Variants in STX3 observed in about 807,000 individuals in gnomAD.
STX3 encodes the protein syntaxin 3.
In STX3, 19 loss-of-function variants were observed where a neutral mutation model predicts 40.2. The observed-to-expected ratio is 0.47, with a 90% CI of 0.33 to 0.69. The LOEUF is 0.69. Ranked by LOEUF, STX3 falls within the 30% of genes least tolerant of loss-of-function variation. STX3 has a pLI of 0.02. For synonymous variants in STX3, 122 were observed against 132.2 expected (o/e 0.92, Z 0.53); for missense variants, 364 against 366.7 (o/e 0.99, Z 0.06).
intron 1 of STX3, among the ~76,000 whole-genome samples, chr11:59,769,439 G>A (rs368947127): frequency 5.4e-4 from 82 of 152,252 alleles, no homozygotes; most frequent in African/African-American, 2.0e-3. Flanking sequence ...AGGTCATAAG[G>A]TCTGTGGGGG....
In STX3 at chr11:59,803,409, GT is replaced by G; in HGVS notation, c.*2587del. On this transcript the variant is annotated 3_prime_UTR_variant, in exon 11 of 11. Coordinates refer to ENST00000337979, the MANE Select transcript of STX3 (RefSeq NM_004177.5). Reference sequence around the variant, plus strand: ...TGGGTGGGATTAGGTGCTAATAATGGTTAGAGAAAACTAAAGAAAGGGATGT... The same window carrying G: ...TGGGTGGGATTAGGTGCTAATAATGGTAGAGAAAACTAAAGAAAGGGATGT... The G allele has an allele frequency of 1.7e-6, 1 of 598,980 alleles. No homozygotes were observed. The highest frequency in any genetic ancestry group is 2.4e-6 in the Non-Finnish European group (1 of 410,892). The allele number at this position is 598,980 out of a possible 1,614,324, so 37.1% of individuals were successfully genotyped here.
In STX3 at chr11:59,802,352, A is replaced by G. The variant is rs945849635; in HGVS notation, c.*1528A>G. ...GTCTCCTTGATTTTGGGTACCATGT[A>G]TATTTTCCGCTTTGACTTTAACGCT... On this transcript the variant is annotated 3_prime_UTR_variant, in exon 11 of 11. Coordinates refer to ENST00000337979, the MANE Select transcript of STX3 (RefSeq NM_004177.5). 1.2e-4 allele frequency: 121 copies of G among 985,382 alleles called. No homozygotes were observed. The highest frequency in any genetic ancestry group is 1.0e-3 in the Middle Eastern group (2 of 1,936). The allele number at this position is 985,382 out of a possible 1,614,324, so 61.0% of individuals were successfully genotyped here.
At position 59,801,210 on chromosome 11, in the gene STX3, C is replaced by T. The variant is rs1253073069; in HGVS notation, c.*386C>T. Reference sequence around the variant, plus strand: ...TTTTTCTACCTCATGGAGTATTCTCCCAGAAACTGCAATGTATTTTTTTAG... The same window carrying T: ...TTTTTCTACCTCATGGAGTATTCTCTCAGAAACTGCAATGTATTTTTTTAG... On this transcript the variant is annotated 3_prime_UTR_variant, in exon 11 of 11. Transcript: ENST00000337979. 2 of 1,118,656 alleles carry T rather than the reference C, an allele frequency of 1.8e-6. No individual in the cohort carries two copies. The highest frequency in any genetic ancestry group is 1.6e-5 in the African/African-American group (1 of 62,020). The allele number at this position is 1,118,656 out of a possible 1,614,324, so 69.3% of individuals were successfully genotyped here.
At chr11:59,776,522 C>G (rs142301641) in intron 2 of STX3, among the ~76,000 whole-genome samples, 249 of 152,270 alleles carry the variant, frequency 1.6e-3, no homozygotes, top group African/African-American at 5.6e-3. Flanking sequence ...GATTGTCCCC[C>G]TCTATGTGAC....
intron 10 of STX3, chr11:59,799,997 G>A (rs1033832205): frequency 2.0e-6 from 2 of 985,218 alleles, no homozygotes; most frequent in African/African-American, 1.7e-5. Context: ...CAAATTTGTG[G>A]TGCCCCTTTC....
rs1864522844 is a variant in STX3, at chr11:59,783,160, G to A, written c.115-3877G>A. Among the ~76,000 whole-genome samples, 6 of 152,310 alleles carry A rather than the reference G, an allele frequency of 3.9e-5. No individual in the cohort carries two copies. In the South Asian group the frequency reaches 1.2e-3, roughly 32 times the overall value. On this transcript the variant is annotated intron_variant, in intron 2 of 10. Coordinates refer to ENST00000337979, the MANE Select transcript of STX3 (RefSeq NM_004177.5). Reference sequence around the variant, plus strand: ...TTGTAAAAAGCTTTCTATAGGGAGCGGTGGTGAGAAGACAGAGAAATAAGG... The same window carrying A: ...TTGTAAAAAGCTTTCTATAGGGAGCAGTGGTGAGAAGACAGAGAAATAAGG...
intron 10 of STX3, 175 bp from the exon 11 acceptor site, chr11:59,800,680 G>A: frequency 1.0e-6 from 1 of 985,330 alleles, no homozygotes; most frequent in African/African-American, 1.7e-5. Flanking sequence ...TCACAGTAGG[G>A]CTTTTTGTTC....
Position 59,788,951 on chromosome 11 carries a change from A to T in STX3, c.289+4A>T, listed in dbSNP as rs752855815. The T allele has an allele frequency of 2.5e-6, 4 of 1,606,722 alleles. No homozygotes were observed. The highest frequency in any genetic ancestry group is 2.6e-6 in the Non-Finnish European group (3 of 1,176,162). ...AACGTCCGGAACAAACTGAAGAGTA[A>T]GAAGGGAACAAAGAAAACAAGGCCG... On this transcript the variant is annotated splice_donor_region_variant and intron_variant, in intron 4 of 10. Transcript: ENST00000337979.
At chr11:59,783,943 T>C (rs1864589408) in intron 2 of STX3, among the ~76,000 whole-genome samples, 1 of 152,192 alleles carries the variant, frequency 6.6e-6, no homozygotes, top group African/African-American at 2.4e-5. Context: ...AGAGACCAGC[T>C]ACAGTGGGTG....
At chr11:59,766,936 G>A (rs960207525) in intron 1 of STX3, among the ~76,000 whole-genome samples, 20 of 152,190 alleles carry the variant, frequency 1.3e-4, no homozygotes, top group Admixed American at 1.0e-3. Flanking sequence ...TGGCCACCTA[G>A]CACCTACTAG....
chr11:59,796,661 CTT>C (rs914338095), intron 9 of STX3, among the ~76,000 whole-genome samples: 1 of 152,134 alleles, frequency 6.6e-6, no homozygotes, highest in African/African-American at 2.4e-5. Context: ...CAGTCAGTGA[CTT>C]TTTATCTTGG....
intron 2 of STX3, among the ~76,000 whole-genome samples, chr11:59,782,107 C>T (rs1470946269): frequency 2.6e-5 from 4 of 152,186 alleles, no homozygotes; most frequent in Non-Finnish European, 5.9e-5. Flanking sequence ...CTCTGCTTTT[C>T]CTTGTTTAAT....
At chr11:59,783,229 G>A (rs1021093972) in intron 2 of STX3, among the ~76,000 whole-genome samples, 1 of 152,150 alleles carries the variant, frequency 6.6e-6, no homozygotes, top group Non-Finnish European at 1.5e-5. Flanking sequence ...CCAAAACAGT[G>A]GATTGAACAT....
At chr11:59,758,465 A>G (rs1279190113) in intron 1 of STX3, among the ~76,000 whole-genome samples, 1 of 152,210 alleles carries the variant, frequency 6.6e-6, no homozygotes. Context: ...CCATAGGATC[A>G]TTGTGAGGAT....
Position 59,802,066 on chromosome 11 carries a change from G to A in STX3, c.*1242G>A, listed in dbSNP as rs890142743. 9 of 985,300 alleles carry A rather than the reference G, an allele frequency of 9.1e-6. No individual in the cohort carries two copies. In the African/African-American group the frequency reaches 1.6e-4, roughly 17 times the overall value. The allele number at this position is 985,300 out of a possible 1,614,324, so 61.0% of individuals were successfully genotyped here. A position where few individuals can be genotyped will look rare whatever the true frequency, so the allele number is the denominator to read the frequency against. On this transcript the variant is annotated 3_prime_UTR_variant, in exon 11 of 11. Transcript: ENST00000337979. ...CCTTTCCCACCTGGTGCCTATGCTA[G>A]GCTTGTCCTGAGAACATCCCTCAGT...
In STX3 at chr11:59,769,815, T is replaced by C. The variant is rs151022092; in HGVS notation, c.31-3396T>C. On this transcript the variant is annotated intron_variant, in intron 1 of 10. Coordinates refer to ENST00000337979, the MANE Select transcript of STX3 (RefSeq NM_004177.5). ...CACGTGTTTGAAGACTGAATTGATGTCTTATAGTGTACACGTGTGTGTGTG... is the reference window on the plus strand; with the variant it reads ...CACGTGTTTGAAGACTGAATTGATGCCTTATAGTGTACACGTGTGTGTGTG... Among the ~76,000 whole-genome samples, 19 of 151,678 alleles carry C rather than the reference T, an allele frequency of 1.3e-4. No homozygotes were observed. The East Asian group carries it at 3.3e-3, about 26-fold the overall frequency.
chr11:59,787,079 G>A lies in STX3; in HGVS notation c.157G>A (p.Val53Ile), dbSNP rs754184141. The stretch of plus-strand genomic sequence containing the variant: ...TAACATTGACAAGATCTCAGAACAT[G>A]TAGAGGAGGCTAAGAAACTCTACAG... Reference protein sequence around the residue: ...RLNIDKISEHVEEAKKLYSII... With the variant: ...RLNIDKISEHIEEAKKLYSII... Residue 53 changes from valine (V) to isoleucine (I), a missense_variant, in exon 3 of 11, where the codon GTA (valine) becomes ATA (isoleucine). Val to Ile is a conservative substitution (Grantham distance 29). Transcript: ENST00000337979. 1.2e-6 allele frequency: 2 copies of A among 1,614,176 alleles called. No individual in the cohort carries two copies. The highest frequency in any genetic ancestry group is 1.1e-5 in the South Asian group (1 of 91,084).
intron 1 of STX3, among the ~76,000 whole-genome samples, chr11:59,757,824 T>C (rs1304209829): frequency 6.6e-6 from 1 of 152,178 alleles, no homozygotes; most frequent in Non-Finnish European, 1.5e-5. Flanking sequence ...GGCGTTATTA[T>C]AGGTTTTTCT....
intron 8 of STX3, among the ~76,000 whole-genome samples, chr11:59,794,816 T>C (rs1346489484): frequency 1.3e-5 from 2 of 152,204 alleles, no homozygotes; most frequent in Non-Finnish European, 2.9e-5. Context: ...GTAAACCCAA[T>C]GTCTGTCAGT....
Sources: gnomAD v4.1 joint callset for allele counts (sites outside exome capture counted in the v4.1 genomes callset) on GRCh38, gnomAD v4.1.1 for gene constraint, MANE v1.5 for transcripts, NCBI Gene and HGNC (gene_info 2026-07-23, HGNC 2026-07-21) for gene names.